Variants in APBA1 observed in about 807,000 individuals in gnomAD.
APBA1 encodes amyloid-beta A4 precursor protein-binding family A member 1.
A neutral mutation model predicts 86.6 loss-of-function variants in APBA1; 55 were observed. The ratio of observed to expected loss-of-function variants is 0.64; its 90% CI spans 0.51 to 0.80. The LOEUF (loss-of-function observed/expected upper bound fraction) is 0.80. Ranked by LOEUF, APBA1 falls within the 30% of genes least tolerant of loss-of-function variation. The pLI, the probability that APBA1 is intolerant of heterozygous loss-of-function variation, is 0.00. For missense variants in APBA1, 1,090 were observed against 1,183.0 expected (o/e 0.92, Z 1.15); for synonymous variants, 511 against 493.9 (o/e 1.03, Z -0.46).
At chr9:69,629,154 A>G (rs189706079) in intron 1 of APBA1, among the ~76,000 whole-genome samples, 50 of 152,320 alleles carry the variant, frequency 3.3e-4, no homozygotes, top group African/African-American at 1.1e-3. Flanking sequence ...TAACTTTTAA[A>G]CATATCCAAT....
intron 1 of APBA1, among the ~76,000 whole-genome samples, chr9:69,522,423 A>G (rs1305170038): frequency 1.3e-5 from 2 of 151,894 alleles, no homozygotes; most frequent in Admixed American, 6.6e-5. Flanking sequence ...TCACTCATGC[A>G]AACTCCTTCA....
chr9:69,505,699 A>G (rs985051826), intron 2 of APBA1, among the ~76,000 whole-genome samples: 1 of 152,088 alleles, frequency 6.6e-6, no homozygotes, highest in African/African-American at 2.4e-5. Flanking sequence ...GCCTATAGAC[A>G]GATCAGTAGG....
chr9:69,601,686 G>C (rs762471787), intron 1 of APBA1, among the ~76,000 whole-genome samples: 4 of 152,176 alleles, frequency 2.6e-5, no homozygotes, highest in Non-Finnish European at 4.4e-5. Flanking sequence ...GATTGGAACC[G>C]AGACTGCCTG....
chr9:69,512,224 T>G (rs1438787546), intron 2 of APBA1, among the ~76,000 whole-genome samples: 1 of 152,176 alleles, frequency 6.6e-6, no homozygotes, highest in Non-Finnish European at 1.5e-5. Context: ...GAAAATCACA[T>G]AAGTATTTTT....
At chr9:69,671,321 T>C (rs1823944409) in intron 1 of APBA1, among the ~76,000 whole-genome samples, 1 of 152,106 alleles carries the variant, frequency 6.6e-6, no homozygotes, top group South Asian at 2.1e-4. Context: ...GGAAGGCCCC[T>C]TCAAAACCAG....
At chr9:69,598,105 T>C (rs1822268205) in intron 1 of APBA1, among the ~76,000 whole-genome samples, 1 of 151,878 alleles carries the variant, frequency 6.6e-6, no homozygotes, top group Admixed American at 6.6e-5. Context: ...TATGCAGCCA[T>C]AAAAAATGAT....
chr9:69,645,610 G>A (rs1823375628), intron 1 of APBA1, among the ~76,000 whole-genome samples: 3 of 152,178 alleles, frequency 2.0e-5, no homozygotes, highest in Admixed American at 6.5e-5. Context: ...CAGCCTGCAC[G>A]GAGGCGGACT....
chr9:69,656,063 A>G (rs532127358), intron 1 of APBA1, among the ~76,000 whole-genome samples: 1 of 152,350 alleles, frequency 6.6e-6, no homozygotes, highest in Admixed American at 6.5e-5. Flanking sequence ...AAATAACACA[A>G]CTTTAACACT....
intron 1 of APBA1, among the ~76,000 whole-genome samples, chr9:69,523,520 T>TAC (rs1473931422): frequency 1.8e-4 from 6 of 34,052 alleles, no homozygotes; most frequent in South Asian, 8.2e-4. Context: ...TATATATATA[T>TAC]ATATATATAT....
chr9:69,596,064 T>C (rs1267710041), intron 1 of APBA1, among the ~76,000 whole-genome samples: 4 of 152,296 alleles, frequency 2.6e-5, no homozygotes, highest in African/African-American at 9.6e-5. Flanking sequence ...CATAGCTCAC[T>C]GTAATCTTTA....
intron 1 of APBA1, among the ~76,000 whole-genome samples, chr9:69,624,447 A>G (rs1261967229): frequency 2.0e-5 from 3 of 152,184 alleles, no homozygotes; most frequent in Non-Finnish European, 4.4e-5. Context: ...TGCCCACAAA[A>G]CAGCATTTTT....
At chr9:69,532,170 G>A (rs1181701310) in intron 1 of APBA1, among the ~76,000 whole-genome samples, 2 of 143,214 alleles carry the variant, frequency 1.4e-5, no homozygotes, top group Non-Finnish European at 3.1e-5. Context: ...TTGTGTGTGT[G>A]TAGCAGAGGG....
chr9:69,532,614 C>A (rs573119567), intron 1 of APBA1, among the ~76,000 whole-genome samples: 2 of 152,360 alleles, frequency 1.3e-5, no homozygotes, highest in South Asian at 4.1e-4. Flanking sequence ...GACTTCCCAG[C>A]ATGCTGCAAC....
intron 1 of APBA1, among the ~76,000 whole-genome samples, chr9:69,564,313 T>C (rs1037897886): frequency 2.6e-5 from 4 of 152,198 alleles, no homozygotes; most frequent in Admixed American, 2.0e-4. Flanking sequence ...TGAATATTAA[T>C]GTAGTGATCA....
At chr9:69,448,531 A>G (rs768587511) in intron 10 of APBA1, among the ~76,000 whole-genome samples, 35 of 152,222 alleles carry the variant, frequency 2.3e-4, no homozygotes, top group Non-Finnish European at 4.4e-4. Flanking sequence ...ACTCCATTTC[A>G]TTAAAAACAA....
intron 10 of APBA1, 120 bp from the exon 11 acceptor site, chr9:69,441,235 G>T: frequency 7.9e-7 from 1 of 1,267,320 alleles, no homozygotes; most frequent in Non-Finnish European, 1.1e-6. Flanking sequence ...CCCACTGCCT[G>T]CTTGCCTGCA....
At chr9:69,483,877 A>T (rs2133849522) in intron 2 of APBA1, among the ~76,000 whole-genome samples, 1 of 152,094 alleles carries the variant, frequency 6.6e-6, no homozygotes, top group East Asian at 1.9e-4. Context: ...TTCAAGAAGA[A>T]ACACACACAA....
At chr9:69,461,631 A>G (rs4744899) in intron 5 of APBA1, 83,713 of 152,070 alleles carry the variant, frequency 0.55, 24,619 homozygotes, top group African/African-American at 0.76. Context: ...TGTTATCCTC[A>G]TTTTTCAGAA....
intron 1 of APBA1, among the ~76,000 whole-genome samples, chr9:69,607,339 G>A (rs2133979296): frequency 6.6e-6 from 1 of 152,254 alleles, no homozygotes; most frequent in Admixed American, 6.5e-5. Context: ...GATCTTGTGA[G>A]ACTTATTCAC....
Sources: gnomAD v4.1 joint callset for allele counts (sites outside exome capture counted in the v4.1 genomes callset) on GRCh38, gnomAD v4.1.1 for gene constraint, MANE v1.5 for transcripts, NCBI Gene and HGNC (gene_info 2026-07-23, HGNC 2026-07-21) for gene names.